Variants in GPD2 observed in about 807,000 individuals in gnomAD.
GPD2 encodes the protein glycerol-3-phosphate dehydrogenase, mitochondrial.
In GPD2, 54 loss-of-function variants were observed where a neutral mutation model predicts 82.4. That is an observed-to-expected ratio of 0.66 (90% CI 0.53 to 0.82). The LOEUF (loss-of-function observed/expected upper bound fraction) is 0.82, where lower values mean the gene tolerates loss of function less well. Ranked by LOEUF, GPD2 falls within the 40% of genes least tolerant of loss-of-function variation. The pLI is 0.00. For missense variants in GPD2, 748 were observed against 896.2 expected (o/e 0.83, Z 2.11); for synonymous variants, 288 against 306.1 (o/e 0.94, Z 0.62).
At chr2:156,504,906 A>G (rs1006553929) in intron 3 of GPD2, among the ~76,000 whole-genome samples, 5 of 152,134 alleles carry the variant, frequency 3.3e-5, no homozygotes, top group African/African-American at 1.2e-4. Flanking sequence ...TTAAATACCC[A>G]AATGTCAACT....
intron 6 of GPD2, among the ~76,000 whole-genome samples, chr2:156,542,367 A>C (rs1346690699): frequency 6.6e-6 from 1 of 152,200 alleles, no homozygotes; most frequent in Non-Finnish European, 1.5e-5. Flanking sequence ...AAATGATTAC[A>C]TGCTCACTGC....
intron 6 of GPD2, among the ~76,000 whole-genome samples, chr2:156,539,289 T>A: frequency 6.6e-6 from 1 of 152,140 alleles, no homozygotes; most frequent in Non-Finnish European, 1.5e-5. Context: ...TAGACCTACT[T>A]AATAGATGAA....
intron 9 of GPD2, among the ~76,000 whole-genome samples, chr2:156,566,283 A>C (rs890075812): frequency 6.6e-6 from 1 of 152,228 alleles, no homozygotes; most frequent in Non-Finnish European, 1.5e-5. Flanking sequence ...CATTACGTAC[A>C]TTCACATTGT....
chr2:156,452,871 G>T (rs1450705923), intron 1 of GPD2, among the ~76,000 whole-genome samples: 1 of 152,188 alleles, frequency 6.6e-6, no homozygotes, highest in Non-Finnish European at 1.5e-5. Context: ...AGGAAGGACT[G>T]CAGAGAGAAT....
At chr2:156,413,087 A>T in the GPD2 span, among the ~76,000 whole-genome samples, 2 of 152,146 alleles carry the variant, frequency 1.3e-5, no homozygotes, top group Non-Finnish European at 2.9e-5. Flanking sequence ...ACAGAGCAAG[A>T]CACTGTCTGA....
At chr2:156,452,326 C>T (rs1034604540) in intron 1 of GPD2, among the ~76,000 whole-genome samples, 3 of 152,238 alleles carry the variant, frequency 2.0e-5, no homozygotes, top group African/African-American at 7.2e-5. Context: ...CCGAGGCTGG[C>T]GGATCACTCG....
At chr2:156,417,433 T>C in the GPD2 span, among the ~76,000 whole-genome samples, 1 of 152,202 alleles carries the variant, frequency 6.6e-6, no homozygotes, top group African/African-American at 2.4e-5. Context: ...AAAGTCTTAA[T>C]AGGCAATGAT....
At chr2:156,489,239 A>C (rs912952691) in intron 2 of GPD2, among the ~76,000 whole-genome samples, 1 of 152,376 alleles carries the variant, frequency 6.6e-6, no homozygotes, top group East Asian at 1.9e-4. Flanking sequence ...TAGCAGATTT[A>C]TCTCAGATAG....
At chr2:156,425,997 A>C in the GPD2 span, among the ~76,000 whole-genome samples, 1 of 146,406 alleles carries the variant, frequency 6.8e-6, no homozygotes, top group Non-Finnish European at 1.5e-5. Flanking sequence ...ATCTCGGCTC[A>C]CTGCAAGCTC....
intron 2 of GPD2, among the ~76,000 whole-genome samples, chr2:156,484,310 A>T (rs1683851048): frequency 6.6e-6 from 1 of 151,270 alleles, no homozygotes; most frequent in Non-Finnish European, 1.5e-5. Context: ...TAATTTTTGT[A>T]TTTTTTAGTA....
At chr2:156,465,361 C>CTT (rs67390264) in intron 1 of GPD2, among the ~76,000 whole-genome samples, 1 of 114,912 alleles carries the variant, frequency 8.7e-6, no homozygotes, top group Admixed American at 9.4e-5. Context: ...TTCTTTCTTT[C>CTT]TTTTTTTTTT....
the GPD2 span, among the ~76,000 whole-genome samples, chr2:156,407,607 A>G: frequency 3.9e-5 from 6 of 152,222 alleles, no homozygotes; most frequent in Non-Finnish European, 8.8e-5. Context: ...CCTAGCTGTA[A>G]TTGTAAGATG....
At chr2:156,471,585 C>T (rs1230732540) in intron 1 of GPD2, among the ~76,000 whole-genome samples, 1 of 152,164 alleles carries the variant, frequency 6.6e-6, no homozygotes, top group East Asian at 1.9e-4. Flanking sequence ...CCCCTTTCTC[C>T]ACCAATTGTC....
chr2:156,489,918 T>TCTCCC (rs1319271762), intron 2 of GPD2, among the ~76,000 whole-genome samples: 2 of 128,310 alleles, frequency 1.6e-5, no homozygotes, highest in Non-Finnish European at 3.3e-5. Flanking sequence ...TCCTTCCTTC[T>TCTCCC]CTCCCCTCCC....
rs760691064 is a variant in GPD2, at chr2:156,557,515, T to G, written c.1098T>G (p.Ile366Met). 3 of 1,599,474 alleles carry G rather than the reference T, an allele frequency of 1.9e-6. No individual in the cohort carries two copies. The highest frequency in any genetic ancestry group is 2.7e-5 in the African/African-American group (2 of 74,578). Reference protein sequence around the residue: ...DTPTDVTHHPIPSEEDINFIL... With the variant: ...DTPTDVTHHPMPSEEDINFIL... ...CAACTGATGTTACACACCATCCAAT[T>G]CCTTCAGAAGAAGATATCAACTTCA... is the stretch of plus-strand genomic sequence containing the variant. Residue 366 changes from isoleucine to methionine, a missense_variant, in exon 9 of 17, where the codon ATT (isoleucine) becomes ATG (methionine). Ile to Met is a conservative substitution (Grantham distance 10). Transcript: ENST00000438166.
intron 1 of GPD2, among the ~76,000 whole-genome samples, chr2:156,439,831 A>T (rs1682101893): frequency 6.7e-6 from 1 of 148,740 alleles, no homozygotes; most frequent in Non-Finnish European, 1.5e-5. Context: ...TGGGCGACAG[A>T]AGGAGAATCT....
chr2:156,517,001 T>G (rs893764541), intron 6 of GPD2, among the ~76,000 whole-genome samples: 1 of 152,234 alleles, frequency 6.6e-6, no homozygotes, highest in Non-Finnish European at 1.5e-5. Context: ...AAATTTTAAT[T>G]TCTCATAAAC....
chr2:156,527,479 A>AT (rs1377054793), intron 6 of GPD2, among the ~76,000 whole-genome samples: 2 of 151,784 alleles, frequency 1.3e-5, no homozygotes, highest in Admixed American at 6.6e-5. Context: ...CACAACACCT[A>AT]TTTTTTTTAA....
chr2:156,508,616 C>T (rs907671047), intron 3 of GPD2, among the ~76,000 whole-genome samples: 1 of 152,120 alleles, frequency 6.6e-6, no homozygotes, highest in Non-Finnish European at 1.5e-5. Flanking sequence ...ATGGTGTGGG[C>T]ATCTTGATGC....
Sources: allele counts gnomAD v4.1 joint callset (sites outside exome capture counted in the v4.1 genomes callset), GRCh38; gene constraint gnomAD v4.1.1; transcripts MANE v1.5; gene names NCBI Gene and HGNC (gene_info 2026-07-23, HGNC 2026-07-21).